Variants in CNTN1 observed in about 807,000 individuals in gnomAD.
CNTN1 encodes the protein contactin 1.
CNTN1 carries 38 observed loss-of-function variants against 126.4 expected under a neutral mutation model. The ratio of observed to expected loss-of-function variants is 0.30; its 90% CI spans 0.23 to 0.39. The LOEUF (loss-of-function observed/expected upper bound fraction) is 0.39. Ranked by LOEUF, CNTN1 falls within the 10% of genes least tolerant of loss-of-function variation. The probability of loss-of-function intolerance (pLI) is 1.00; values close to 1 mark genes in which losing one functional copy is unlikely to be tolerated. For synonymous variants in CNTN1, 413 were observed against 422.6 expected (o/e 0.98, Z 0.28); for missense variants, 1,009 against 1,248.4 (o/e 0.81, Z 2.89).
intron 23 of CNTN1, among the ~76,000 whole-genome samples, chr12:41,059,427 T>C (rs1275767090): frequency 1.3e-5 from 2 of 152,156 alleles, no homozygotes; most frequent in Non-Finnish European, 2.9e-5. Context: ...CCTCTAGTCA[T>C]TTTCAACTCT....
chr12:40,795,730 T>C (rs545751570), intron 1 of CNTN1, among the ~76,000 whole-genome samples: 64 of 152,254 alleles, frequency 4.2e-4, no homozygotes, highest in Admixed American at 8.5e-4. Context: ...TTATTGGTCA[T>C]TAGTTTATGC....
chr12:40,726,112 G>A (rs988314574), intron 1 of CNTN1, among the ~76,000 whole-genome samples: 1 of 152,028 alleles, frequency 6.6e-6, no homozygotes, highest in Non-Finnish European at 1.5e-5. Context: ...GGGAAAGAAT[G>A]TGGCAAACAG....
rs772099452 is a variant in CNTN1, at chr12:40,971,498, G to A, written c.1805-9411G>A. On this transcript the variant is annotated intron_variant, in intron 15 of 23. Transcript: ENST00000551295. The stretch of plus-strand genomic sequence containing the variant: ...CCTTTCTCCCCGTCTGTGCAAGCCT[G>A]CCTCCAACCTGGTGATCGTTGACAC... 5 of 1,595,902 alleles carry A rather than the reference G, an allele frequency of 3.1e-6. No individual in the cohort carries two copies. The South Asian group carries it at 5.5e-5, about 18-fold the overall frequency.
intron 15 of CNTN1, among the ~76,000 whole-genome samples, chr12:40,976,279 G>A (rs1214205053): frequency 6.6e-6 from 1 of 152,102 alleles, no homozygotes; most frequent in Non-Finnish European, 1.5e-5. Context: ...AGACAAATTT[G>A]TCATCTAATG....
intron 23 of CNTN1, among the ~76,000 whole-genome samples, chr12:41,064,962 G>A (rs59282158): frequency 0.022 from 3,320 of 152,290 alleles, 122 homozygotes; most frequent in African/African-American, 0.075. Context: ...TGCTTTGCCT[G>A]TTTCCAGAAC....
At chr12:41,030,229 A>G (rs1949120546) in intron 23 of CNTN1, among the ~76,000 whole-genome samples, 1 of 152,040 alleles carries the variant, frequency 6.6e-6, no homozygotes, top group South Asian at 2.1e-4. Context: ...TTTTGATATA[A>G]AGAAATAAAT....
rs1177605716 is a variant in CNTN1, at chr12:40,925,588, CATGTATATATATATATACGT to C, written c.496+937_496+956del. Among the ~76,000 whole-genome samples, 4 of 125,730 alleles carry C rather than the reference CATGTATATATATATATACGT, an allele frequency of 3.2e-5. No individual in the cohort carries two copies. The Admixed American group carries it at 3.2e-4, about 10-fold the overall frequency. The allele number at this position is 125,730 out of a possible 152,430, so 82.5% of individuals were successfully genotyped here. On this transcript the variant is annotated intron_variant, in intron 6 of 23. Transcript: ENST00000551295. ...ATATATACGTATATACGTATATATACATGTATATATATATATACGTGTATATATATATATACACATATATA... is the reference window on the plus strand; with the variant it reads ...ATATATACGTATATACGTATATATACGTATATATATATATACACATATATA...
intron 1 of CNTN1, among the ~76,000 whole-genome samples, chr12:40,738,990 T>C (rs1937817392): frequency 6.6e-6 from 1 of 152,008 alleles, no homozygotes. Context: ...AGAAGAACAG[T>C]GGTTCTTAAC....
chr12:40,996,610 G>T (rs989871666), intron 17 of CNTN1, among the ~76,000 whole-genome samples: 22 of 152,070 alleles, frequency 1.4e-4, no homozygotes, highest in Non-Finnish European at 2.6e-4. Flanking sequence ...AGAAAATATG[G>T]TCTCCTGTCT....
chr12:40,873,542 A>G (rs761555672), intron 1 of CNTN1, among the ~76,000 whole-genome samples: 1 of 152,040 alleles, frequency 6.6e-6, no homozygotes, highest in Admixed American at 6.6e-5. Flanking sequence ...AATTTGAGCA[A>G]TTTTTCTTTG....
intron 15 of CNTN1, among the ~76,000 whole-genome samples, chr12:40,965,369 T>C (rs959102887): frequency 1.3e-5 from 2 of 152,260 alleles, no homozygotes; most frequent in Admixed American, 6.5e-5. Context: ...CCAGAAAGTA[T>C]GGATAAATAA....
intron 1 of CNTN1, among the ~76,000 whole-genome samples, chr12:40,902,043 G>A (rs901425871): frequency 6.6e-6 from 1 of 152,122 alleles, no homozygotes; most frequent in African/African-American, 2.4e-5. Context: ...ATATGAAAGT[G>A]CTTAATTGAC....
intron 1 of CNTN1, among the ~76,000 whole-genome samples, chr12:40,744,447 G>A (rs886269935): frequency 6.6e-6 from 1 of 152,014 alleles, no homozygotes. Flanking sequence ...GGGAAAGGTA[G>A]AGAAAGAAGT....
At chr12:40,758,540 A>G (rs1472060723) in intron 1 of CNTN1, among the ~76,000 whole-genome samples, 1 of 152,256 alleles carries the variant, frequency 6.6e-6, no homozygotes, top group South Asian at 2.1e-4. Flanking sequence ...ACATTTATGG[A>G]CACTCCACAT....
chr12:40,888,755 C>T (rs988473973), intron 1 of CNTN1, among the ~76,000 whole-genome samples: 3 of 152,192 alleles, frequency 2.0e-5, no homozygotes, highest in Non-Finnish European at 4.4e-5. Context: ...AGAGAGACTA[C>T]GGGCCCATTT....
chr12:40,793,768 C>T (rs138423949), intron 1 of CNTN1, among the ~76,000 whole-genome samples: 146 of 152,136 alleles, frequency 9.6e-4, no homozygotes, highest in Non-Finnish European at 1.8e-3. Flanking sequence ...TTCTCCTTCC[C>T]CACCCCTTCA....
At chr12:40,833,926 T>C (rs981832855) in intron 1 of CNTN1, among the ~76,000 whole-genome samples, 1 of 152,216 alleles carries the variant, frequency 6.6e-6, no homozygotes, top group Non-Finnish European at 1.5e-5. Context: ...TACCAAATGC[T>C]AGTTTTGTTT....
In CNTN1 at chr12:41,071,515, C is replaced by A. The variant is rs1950159841; in HGVS notation, c.*1480C>A. 6.6e-6 allele frequency: 1 copy of A among 152,068 alleles called. No homozygotes were observed. Among genetic ancestry groups the A allele is most frequent in the Non-Finnish European group, 1.5e-5 (1 of 67,998 alleles). 9.4% of individuals were successfully genotyped at this position (152,068 alleles called of 1,614,324 possible). A position where few individuals can be genotyped will look rare whatever the true frequency, so the allele number is the denominator to read the frequency against. On this transcript the variant is annotated 3_prime_UTR_variant, in exon 24 of 24. Transcript: ENST00000551295. ...GTTCGTAAAAAATATTTACAGGAAG[C>A]AAAATAGATCTATTACTACTTTACC...
At chr12:40,935,668 T>C (rs1317982045) in intron 9 of CNTN1, among the ~76,000 whole-genome samples, 2 of 152,022 alleles carry the variant, frequency 1.3e-5, no homozygotes, top group African/African-American at 4.8e-5. Context: ...AAATAAAACC[T>C]TTCTCCCTTA....
Sources: gnomAD v4.1 joint callset for allele counts (sites outside exome capture counted in the v4.1 genomes callset) on GRCh38, gnomAD v4.1.1 for gene constraint, MANE v1.5 for transcripts, NCBI Gene and HGNC (gene_info 2026-07-23, HGNC 2026-07-21) for gene names.